The following SLTM variants were observed in gnomAD, a reference collection of about 807,000 sequenced individuals.
SLTM encodes the protein SAFB like transcription modulator.
SLTM carries 43 observed loss-of-function variants against 134.6 expected under a neutral mutation model. The ratio of observed to expected loss-of-function variants is 0.32; its 90% CI spans 0.25 to 0.41. SLTM has a LOEUF of 0.41. SLTM is among the 10% of genes least tolerant of loss of function. The probability of loss-of-function intolerance (pLI) is 1.00; values close to 1 mark genes in which losing one functional copy is unlikely to be tolerated. For missense variants in SLTM, 1,055 were observed against 1,288.8 expected, an observed-to-expected ratio of 0.82 and a Z score of 2.78; for synonymous variants, 424 against 432.3, an observed-to-expected ratio of 0.98 and a Z score of 0.24.
In SLTM at chr15:58,912,579, G is replaced by A. The variant is rs748843275; in HGVS notation, c.545C>T (p.Thr182Ile). 1.1e-5 allele frequency: 18 copies of A among 1,611,882 alleles called. No individual in the cohort carries two copies. Among genetic ancestry groups the A allele is most frequent in the Non-Finnish European group, 1.5e-5 (18 of 1,178,852 alleles). The part of the protein sequence containing the change: ...EIEAQEGEDD[T>I]FLTAQDGEEE... ...TAAACTTACTTGGGCTGTTAGAAAG[G>A]TATCATCTTCACCTTCTTGAGCTTC... The change falls in exon 5 of 21, where the codon ACC becomes ATC. Residue 182 changes from threonine (T) to isoleucine (I), a missense_variant. Around this residue, in one of 3 missense-constraint regions of SLTM, gnomAD observed 268 missense variants for 284.3 expected, o/e 0.94. Coordinates refer to ENST00000380516, the MANE Select transcript of SLTM (RefSeq NM_024755.4).
Position 58,898,699 on chromosome 15 carries a change from A to G in SLTM, c.1108+104T>C, listed in dbSNP as rs1056675373. ...TCTCAAGTTTCTAGTCTGTCAATAAAATTTTTAAGGACTAAATGTCAAAGA... is the reference window on the plus strand; with the variant it reads ...TCTCAAGTTTCTAGTCTGTCAATAAGATTTTTAAGGACTAAATGTCAAAGA... On this transcript the variant is annotated intron_variant, in intron 8 of 20. Coordinates refer to ENST00000380516, the MANE Select transcript of SLTM (RefSeq NM_024755.4). 5 of 804,468 alleles carry G rather than the reference A, an allele frequency of 6.2e-6. No homozygotes were observed. In the African/African-American group the frequency reaches 8.8e-5, roughly 14 times the overall value. 49.8% of individuals were successfully genotyped at this position (804,468 alleles called of 1,614,324 possible). A position where few individuals can be genotyped will look rare whatever the true frequency, so the allele number is the denominator to read the frequency against.
intron 7 of SLTM, 30 bp from the exon 8 acceptor site, chr15:58,898,882 G>T: frequency 6.3e-7 from 1 of 1,582,194 alleles, no homozygotes; most frequent in South Asian, 1.1e-5. Context: ...GAAGAAAATT[G>T]AAAACAAAAA....
At position 58,897,164 on chromosome 15, in the gene SLTM, G is replaced by C. The variant is rs2035143845; in HGVS notation, c.1178C>G (p.Ser393Cys). 4 of 1,613,334 alleles carry C rather than the reference G, an allele frequency of 2.5e-6. No individual in the cohort carries two copies. Among genetic ancestry groups the C allele is most frequent in the Admixed American group, 1.7e-5 (1 of 59,988 alleles). ...CTTCAAATCAGCAGCTTTGGTATTA[G>C]ATGAAAGTCCACTAACCCAGATATT... Reference protein sequence around the residue: ...TKNIWVSGLSSNTKAADLKNL... With the variant: ...TKNIWVSGLSCNTKAADLKNL... Residue 393 changes from serine to cysteine, a missense_variant, in exon 9 of 21, where the codon TCT becomes TGT. This residue lies in a region of SLTM where 776 missense variants were observed against 962.2 expected (regional missense o/e 0.81). Transcript: ENST00000380516.
intron 5 of SLTM, among the ~76,000 whole-genome samples, chr15:58,906,321 TG>T (rs1259201162): frequency 6.6e-6 from 1 of 152,156 alleles, no homozygotes; most frequent in East Asian, 1.9e-4. Context: ...AAGTTTGTCT[TG>T]AAAAAAAAAT....
chr15:58,880,117 G>A lies in SLTM; in HGVS notation c.2997-10C>T, dbSNP rs752661571. 1.9e-6 allele frequency: 3 copies of A among 1,609,350 alleles called. No individual in the cohort carries two copies. The highest frequency in any genetic ancestry group is 2.5e-6 in the Non-Finnish European group (3 of 1,177,844). ...AATTGGGGATGCGTTACTGAAAAAG[G>A]TTTAAAAGAAAAAAACATCAGAGAA... On this transcript the variant is annotated splice_polypyrimidine_tract_variant and intron_variant, in intron 20 of 20. Transcript: ENST00000380516.
At chr15:58,916,883 C>G in intron 3 of SLTM, 52 bp downstream of exon 3, 1 of 1,532,158 alleles carries the variant, frequency 6.5e-7, no homozygotes, top group Non-Finnish European at 9.0e-7. Context: ...ATTCATGATG[C>G]AAAATACTAG....
At chr15:58,922,720 CTT>C (rs1313428932) in intron 2 of SLTM, among the ~76,000 whole-genome samples, 1 of 143,826 alleles carries the variant, frequency 7.0e-6, no homozygotes, top group Non-Finnish European at 1.5e-5. Flanking sequence ...TTTCTTTTTT[CTT>C]TTTTTTTTGA....
intron 2 of SLTM, among the ~76,000 whole-genome samples, chr15:58,927,379 C>T (rs1595949905): frequency 1.3e-5 from 2 of 152,108 alleles, no homozygotes; most frequent in South Asian, 4.1e-4. Flanking sequence ...AAGAGATTCT[C>T]CTGCCTCGGC....
chr15:58,921,252 C>T (rs1177047369), intron 2 of SLTM, among the ~76,000 whole-genome samples: 2 of 152,192 alleles, frequency 1.3e-5, no homozygotes, highest in African/African-American at 4.8e-5. Context: ...AAAAGAGACA[C>T]TAAGTCTGAA....
At position 58,888,500 on chromosome 15, in the gene SLTM, G is replaced by A. The variant is rs1370031729; in HGVS notation, c.2260C>T (p.Arg754Ter). ...NKKLSLDTDARFGHGSDYSRQ... is the reference protein window; with the variant it reads ...NKKLSLDTDA The stretch of plus-strand genomic sequence containing the variant: ...GAGTAGTCGGATCCATGGCCAAATC[G>A]TGCATCTGTATCTAGAGACAACTTT... Residue 754 changes from arginine to a stop codon, truncating the protein, a stop_gained, in exon 17 of 21, where the codon CGA (arginine) becomes TGA (stop). Transcript: ENST00000380516. LOFTEE classifies it high-confidence loss of function. The A allele has an allele frequency of 1.2e-6, 2 of 1,613,884 alleles. No homozygotes were observed. The highest frequency in any genetic ancestry group is 1.7e-6 in the Non-Finnish European group (2 of 1,179,978).
At chr15:58,882,892 A>G (rs970818673) in intron 20 of SLTM, among the ~76,000 whole-genome samples, 1 of 152,248 alleles carries the variant, frequency 6.6e-6, no homozygotes, top group African/African-American at 2.4e-5. Context: ...TTTTGTGTTA[A>G]ATGTCTAAAA....
Position 58,899,862 on chromosome 15 carries a change from T to A in SLTM, c.665A>T (p.Asp222Val). 6.2e-7 allele frequency: 1 copy of A among 1,614,166 alleles called. No individual in the cohort carries two copies. Among genetic ancestry groups the A allele is most frequent in the Non-Finnish European group, 8.5e-7 (1 of 1,180,008 alleles). Residue 222 changes from aspartate to valine, a missense_variant, in exon 7 of 21, where the codon GAT (aspartate) becomes GTT (valine). Coordinates refer to ENST00000380516, the MANE Select transcript of SLTM (RefSeq NM_024755.4). The surrounding 1 kb of genome is among the most constrained non-coding windows in gnomAD (Gnocchi z 5.0). ...LPSEGSLAEA[D>V]HTAHEEMEAH... ...TTCCATCTCTTCATGAGCTGTGTGA[T>A]CAGCCTCAGCTAGGCTCCCTTCTGA...
intron 14 of SLTM, among the ~76,000 whole-genome samples, chr15:58,890,915 T>C (rs1357069044): frequency 1.3e-5 from 2 of 152,178 alleles, no homozygotes; most frequent in Non-Finnish European, 2.9e-5. Flanking sequence ...ACAATGAACA[T>C]CAATAATAGC....
chr15:58,889,292 G>A, intron 16 of SLTM, 138 bp downstream of exon 16: 1 of 1,115,822 alleles, frequency 9.0e-7, no homozygotes, highest in Non-Finnish European at 1.3e-6. Context: ...GTCTACCCCA[G>A]TACTGTAATC....
intron 2 of SLTM, among the ~76,000 whole-genome samples, chr15:58,926,403 C>G (rs2037471639): frequency 6.6e-6 from 1 of 152,092 alleles, no homozygotes; most frequent in Non-Finnish European, 1.5e-5. Flanking sequence ...GCACATACAC[C>G]TACACAACTT....
At chr15:58,930,513 A>G (rs2037800282) in intron 2 of SLTM, among the ~76,000 whole-genome samples, 1 of 151,800 alleles carries the variant, frequency 6.6e-6, no homozygotes, top group Non-Finnish European at 1.5e-5. Flanking sequence ...TAACCCATAC[A>G]AAGAAAAAAA....
intron 17 of SLTM, 60 bp downstream of exon 17, chr15:58,888,325 A>T: frequency 7.0e-7 from 1 of 1,429,746 alleles, no homozygotes; most frequent in Non-Finnish European, 9.5e-7. Flanking sequence ...ATTTTAGGAG[A>T]AACAGAGTTA....
At chr15:58,931,724 T>C (rs1413614985) in intron 2 of SLTM, among the ~76,000 whole-genome samples, 10 of 152,226 alleles carry the variant, frequency 6.6e-5, no homozygotes, top group Admixed American at 5.2e-4. Context: ...TAAATCATTA[T>C]ATCCTAGAAA....
intron 2 of SLTM, among the ~76,000 whole-genome samples, chr15:58,919,109 C>T (rs1275638289): frequency 6.6e-6 from 1 of 152,100 alleles, no homozygotes; most frequent in African/African-American, 2.4e-5. Context: ...GACGGGGTTT[C>T]ACCGTGTTAG....
Sources: gnomAD v4.1 joint callset for allele counts (sites outside exome capture counted in the v4.1 genomes callset) on GRCh38, gnomAD v4.1.1 for gene constraint, gnomAD v4.1.1 regional missense constraint, Gnocchi (gnomAD v3.1) non-coding constraint, MANE v1.5 for transcripts, NCBI Gene and HGNC (gene_info 2026-07-23, HGNC 2026-07-21) for gene names.